OPA3: variants seen among roughly 807,000 people sequenced by gnomAD.
OPA3 encodes the protein outer mitochondrial membrane lipid metabolism regulator OPA3, also known as optic atrophy 3 protein.
In OPA3, 6 loss-of-function variants were observed where a neutral mutation model predicts 4.0. The observed-to-expected ratio is 1.51, with a 90% CI of 0.83 to 2.99. OPA3 has a LOEUF of 2.99. Among genes scored for constraint, OPA3 ranks in the 30% most tolerant of loss-of-function variants. OPA3 has a pLI of 0.00. For missense variants in OPA3, 235 were observed against 256.2 expected (o/e 0.92, Z 0.56); for synonymous variants, 105 against 117.1 (o/e 0.90, Z 0.67).
At chr19:45,578,202 A>G (rs535283270) in intron 1 of OPA3, among the ~76,000 whole-genome samples, 121 of 152,304 alleles carry the variant, frequency 7.9e-4, no homozygotes, top group African/African-American at 2.7e-3. Context: ...CCTGGTGACT[A>G]GATTGCCTTT....
intron 1 of OPA3, among the ~76,000 whole-genome samples, chr19:45,563,798 C>A (rs2122470721): frequency 6.6e-6 from 1 of 151,914 alleles, no homozygotes; most frequent in South Asian, 2.1e-4. Flanking sequence ...TCATGATCCA[C>A]CTGCCTCGGC....
At chr19:45,583,121 T>A (rs1969880319) in intron 1 of OPA3, among the ~76,000 whole-genome samples, 1 of 152,104 alleles carries the variant, frequency 6.6e-6, no homozygotes, top group Non-Finnish European at 1.5e-5. Flanking sequence ...TAAATTCCCT[T>A]ATTTTATGTC....
chr19:45,578,915 G>A (rs1463240763), intron 1 of OPA3, among the ~76,000 whole-genome samples: 1 of 152,168 alleles, frequency 6.6e-6, no homozygotes, highest in Non-Finnish European at 1.5e-5. Context: ...TCCACTCAGA[G>A]TAAAGCCAAG....
intron 1 of OPA3, 103 bp downstream of exon 1, chr19:45,584,520 T>C (rs529074692): frequency 1.6e-4 from 245 of 1,567,030 alleles, no homozygotes; most frequent in African/African-American, 1.4e-3. Flanking sequence ...ACTTTGCCGG[T>C]TCGGGCTGTG....
chr19:45,580,449 ACGTC>A (rs1382264413), intron 1 of OPA3, among the ~76,000 whole-genome samples: 12 of 149,642 alleles, frequency 8.0e-5, no homozygotes, highest in East Asian at 2.0e-4. Context: ...ATGCGCCACC[ACGTC>A]TGGCTAATTT....
chr19:45,560,981 T>C (rs1008711499), intron 1 of OPA3, among the ~76,000 whole-genome samples: 1 of 152,206 alleles, frequency 6.6e-6, no homozygotes, highest in African/African-American at 2.4e-5. Flanking sequence ...TCAGGAAATG[T>C]GCTGCTAAGA....
At chr19:45,530,378 G>T (rs1969046152) in intron 1 of OPA3, among the ~76,000 whole-genome samples, 1 of 151,710 alleles carries the variant, frequency 6.6e-6, no homozygotes, top group South Asian at 2.1e-4. Flanking sequence ...ATTGTAACTT[G>T]ATTTTTCACT....
intron 1 of OPA3, among the ~76,000 whole-genome samples, chr19:45,575,163 C>T (rs193166124): frequency 1.9e-4 from 29 of 152,160 alleles, no homozygotes; most frequent in African/African-American, 6.3e-4. Context: ...TGCTGTGGCA[C>T]GATCTCGGTT....
At chr19:45,569,037 T>C (rs536434429) in intron 1 of OPA3, among the ~76,000 whole-genome samples, 4 of 152,284 alleles carry the variant, frequency 2.6e-5, no homozygotes, top group African/African-American at 9.6e-5. Flanking sequence ...AGCCTCCTAA[T>C]GGACTGAAGC....
chr19:45,583,668 A>G (rs1344391528), intron 1 of OPA3, among the ~76,000 whole-genome samples: 1 of 151,602 alleles, frequency 6.6e-6, no homozygotes, highest in African/African-American at 2.4e-5. Flanking sequence ...CACCCAGCTA[A>G]TTTTTGTATT....
downstream of OPA3, among the ~76,000 whole-genome samples, chr19:45,544,689 G>C (rs1969224914): frequency 6.6e-6 from 1 of 152,148 alleles, no homozygotes; most frequent in African/African-American, 2.4e-5. Flanking sequence ...AGCTACTCAG[G>C]AGGCTGAGGC....
chr19:45,531,825 T>C (rs1340293658), intron 1 of OPA3, among the ~76,000 whole-genome samples: 1 of 152,232 alleles, frequency 6.6e-6, no homozygotes, highest in Non-Finnish European at 1.5e-5. Flanking sequence ...AATGTTTTTC[T>C]TATTCCCCTT....
chr19:45,552,276 C>T lies in OPA3; in HGVS notation c.*1238G>A, dbSNP rs187216413. The T allele has an allele frequency of 3.3e-4, 292 of 875,380 alleles. No individual in the cohort carries two copies. Among genetic ancestry groups the T allele is most frequent in the African/African-American group, 2.8e-3 (155 of 55,130 alleles). 54.2% of individuals were successfully genotyped at this position (875,380 alleles called of 1,614,324 possible). The stretch of plus-strand genomic sequence containing the variant: ...AGGCTGGCATGCAATTGCGCAATCT[C>T]GGCTCACTGCAACCTCTGCCTCCCG... On this transcript the variant is annotated 3_prime_UTR_variant, in exon 2 of 2. Transcript: ENST00000263275.
intron 1 of OPA3, among the ~76,000 whole-genome samples, chr19:45,579,906 G>C (rs1466959722): frequency 1.3e-5 from 2 of 151,924 alleles, no homozygotes; most frequent in African/African-American, 2.4e-5. Flanking sequence ...GAAGCTAAGA[G>C]GGGCTAAATG....
downstream of OPA3, among the ~76,000 whole-genome samples, chr19:45,542,381 TCA>T (rs1358922453): frequency 6.6e-6 from 1 of 152,182 alleles, no homozygotes; most frequent in Non-Finnish European, 1.5e-5. Context: ...TGTGCAAACA[TCA>T]CAGAGTGGGC....
chr19:45,584,472 C>T (rs945201902), intron 1 of OPA3, 151 bp downstream of exon 1: 3 of 1,458,120 alleles, frequency 2.1e-6, no homozygotes, highest in East Asian at 5.2e-5. Flanking sequence ...GCCACCCGTA[C>T]GCCCCTCTAT....
In OPA3 at chr19:45,548,559, C is replaced by A; in HGVS notation, c.*4955G>T. 1.0e-6 allele frequency: 1 copy of A among 985,412 alleles called. No homozygotes were observed. Among genetic ancestry groups the A allele is most frequent in the Non-Finnish European group, 1.2e-6 (1 of 829,942 alleles). The allele number at this position is 985,412 out of a possible 1,614,324, so 61.0% of individuals were successfully genotyped here. ...TGTACGTGTGAGCATCTGTAAGACC[C>A]GGTGACGGCAGGGCTGGGGCTGTCT... On this transcript the variant is annotated 3_prime_UTR_variant, in exon 2 of 2. Coordinates refer to ENST00000263275, the MANE Select transcript of OPA3 (RefSeq NM_025136.4).
intron 1 of OPA3, among the ~76,000 whole-genome samples, chr19:45,534,895 T>C (rs1300141789): frequency 6.6e-6 from 1 of 152,192 alleles, no homozygotes; most frequent in Non-Finnish European, 1.5e-5. Context: ...CCTTCCAAAA[T>C]GCTGGGATTA....
rs1401798352 is a variant in OPA3, at chr19:45,549,074, G to C, written c.*4440C>G. 1 of 975,548 alleles carries C rather than the reference G, an allele frequency of 1.0e-6. No homozygotes were observed. Among genetic ancestry groups the C allele is most frequent in the Non-Finnish European group, 1.2e-6 (1 of 821,148 alleles). The allele number at this position is 975,548 out of a possible 1,614,324, so 60.4% of individuals were successfully genotyped here. A position where few individuals can be genotyped will look rare whatever the true frequency, so the allele number is the denominator to read the frequency against. ...CCCACCCTGGCCTCCCAAAGTGCTA[G>C]GATTACAGGTGTGAGCCACTGCGCC... On this transcript the variant is annotated 3_prime_UTR_variant, in exon 2 of 2. Coordinates refer to ENST00000263275, the MANE Select transcript of OPA3 (RefSeq NM_025136.4).
Sources: gnomAD v4.1 joint callset for allele counts (sites outside exome capture counted in the v4.1 genomes callset) on GRCh38, gnomAD v4.1.1 for gene constraint, MANE v1.5 for transcripts, NCBI Gene and HGNC (gene_info 2026-07-23, HGNC 2026-07-21) for gene names.